The following KCNJ1 variants were observed in gnomAD, a reference collection of about 807,000 sequenced individuals.
KCNJ1 encodes potassium inwardly rectifying channel subfamily J member 1, also known as ATP-sensitive inward rectifier potassium channel 1.
KCNJ1 carries 24 observed loss-of-function variants against 21.9 expected under a neutral mutation model. The ratio of observed to expected loss-of-function variants is 1.10; its 90% confidence interval spans 0.79 to 1.54. KCNJ1 has a LOEUF of 1.54. Ranked by LOEUF, KCNJ1 falls within the 40% of genes most tolerant of loss-of-function variation. The probability of loss-of-function intolerance (pLI) is 0.00; values close to 1 mark genes in which losing one functional copy is unlikely to be tolerated. For missense variants in KCNJ1, 457 were observed against 455.4 expected (o/e 1.00, Z -0.03); for synonymous variants, 152 against 160.9 (o/e 0.94, Z 0.42).
intron 2 of KCNJ1, among the ~76,000 whole-genome samples, chr11:128,849,012 C>T (rs1255306681): frequency 6.6e-6 from 1 of 152,176 alleles, no homozygotes; most frequent in African/African-American, 2.4e-5. Context: ...TGAACAGCGC[C>T]CCCTGGAGCA....
chr11:128,842,973 C>T (rs751947316), intron 2 of KCNJ1, among the ~76,000 whole-genome samples: 1 of 152,182 alleles, frequency 6.6e-6, no homozygotes, highest in Non-Finnish European at 1.5e-5. Flanking sequence ...TTAATCTCTC[C>T]ATACAACAGT....
intron 1 of KCNJ1, among the ~76,000 whole-genome samples, chr11:128,860,736 C>G (rs1443446915): frequency 1.3e-4 from 20 of 152,194 alleles, no homozygotes; most frequent in Admixed American, 1.3e-3. Flanking sequence ...AAGGAAGCTG[C>G]TCAGAAAAGT....
chr11:128,841,885 T>A (rs1436331760), intron 2 of KCNJ1, among the ~76,000 whole-genome samples: 1 of 152,152 alleles, frequency 6.6e-6, no homozygotes, highest in Non-Finnish European at 1.5e-5. Flanking sequence ...CCTCCTCTCA[T>A]CCCACACTGC....
chr11:128,848,672 A>T (rs569739311), intron 2 of KCNJ1, among the ~76,000 whole-genome samples: 19 of 152,324 alleles, frequency 1.2e-4, no homozygotes, highest in African/African-American at 3.8e-4. Context: ...AGTGACAAGG[A>T]GCTGGAGCAC....
chr11:128,862,582 A>C (rs1367210341), intron 1 of KCNJ1, among the ~76,000 whole-genome samples: 1 of 152,210 alleles, frequency 6.6e-6, no homozygotes, highest in Non-Finnish European at 1.5e-5. Context: ...ATGCTCTGCC[A>C]GTTCGCTGAT....
rs1257956755 is a variant in KCNJ1, at chr11:128,840,018, A to C, written c.226T>G (p.Phe76Val). The C allele has an allele frequency of 3.1e-6, 5 of 1,613,924 alleles. No homozygotes were observed. In the African/African-American group the frequency reaches 6.7e-5, roughly 22 times the overall value. ...GCTACTGCATACCACAGGAGACCAA[A>C]GAAAAACCAACTCCCCAAGAAGGCT... The part of the protein sequence containing the change: ...ITAFLGSWFF[F>V]GLLWYAVAYI... Residue 76 changes from phenylalanine to valine, a missense_variant, in exon 3 of 3, where the codon TTT (phenylalanine) becomes GTT (valine). Coordinates refer to ENST00000392666, the MANE Select transcript of KCNJ1 (RefSeq NM_153766.3).
In KCNJ1 at chr11:128,838,228, A is replaced by G. The variant is rs1344290781; in HGVS notation, c.*897T>C. 1 of 152,608 alleles carries G rather than the reference A, an allele frequency of 6.6e-6. No homozygotes were observed. Among genetic ancestry groups the G allele is most frequent in the Non-Finnish European group, 1.5e-5 (1 of 68,038 alleles). 9.5% of individuals were successfully genotyped at this position (152,608 alleles called of 1,614,324 possible). On this transcript the variant is annotated 3_prime_UTR_variant, in exon 3 of 3. Transcript: ENST00000392666. ...AAGATGGGCTGTCAGGGAAAGAAAG[A>G]CATAGTAACATTCTGACTGTGGGGC...
Position 128,838,851 on chromosome 11 carries a change from T to C in KCNJ1, c.*274A>G, listed in dbSNP as rs1943213902. 1 of 476,050 alleles carries C rather than the reference T, an allele frequency of 2.1e-6. No individual in the cohort carries two copies. The highest frequency in any genetic ancestry group is 3.9e-5 in the East Asian group (1 of 25,866). 29.5% of individuals were successfully genotyped at this position (476,050 alleles called of 1,614,324 possible). Reference sequence around the variant, plus strand: ...ATTTTATCTGCTCCAATCCACCTTATATGAGCTCAAATAATCATATTTAAG... The same window carrying C: ...ATTTTATCTGCTCCAATCCACCTTACATGAGCTCAAATAATCATATTTAAG... On this transcript the variant is annotated 3_prime_UTR_variant, in exon 3 of 3. Transcript: ENST00000392666.
intron 1 of KCNJ1, chr11:128,866,421 A>G (rs1034890168): frequency 3.5e-5 from 9 of 256,882 alleles, no homozygotes; most frequent in African/African-American, 2.1e-4. Flanking sequence ...GAAAAATTCA[A>G]TCATTTTTCC....
At chr11:128,845,101 A>G (rs1393250079) in intron 2 of KCNJ1, among the ~76,000 whole-genome samples, 1 of 152,254 alleles carries the variant, frequency 6.6e-6, no homozygotes, top group African/African-American at 2.4e-5. Flanking sequence ...ACATTTCTTG[A>G]GGATTTTCCA....
chr11:128,839,331 G>C lies in KCNJ1; in HGVS notation c.913C>G (p.Arg305Gly), dbSNP rs760450195. The change falls in exon 3 of 3, where the codon CGT becomes GGT. Residue 305 changes from arginine to glycine, a missense_variant. Physicochemically the swap from Arg to Gly is moderately radical, Grantham distance 125. Transcript: ENST00000392666. ...YVPEEVLWGY[R>G]FAPIVSKTKE... ...GTCTTGGATACTATGGGAGCAAAACGGTAGCCCCAAAGCACCTCCTCTGGG... is the reference window on the plus strand; with the variant it reads ...GTCTTGGATACTATGGGAGCAAAACCGTAGCCCCAAAGCACCTCCTCTGGG... 1.9e-6 allele frequency: 3 copies of C among 1,614,100 alleles called. No individual in the cohort carries two copies. Among genetic ancestry groups the C allele is most frequent in the Non-Finnish European group, 2.5e-6 (3 of 1,180,004 alleles).
chr11:128,844,940 A>C (rs1431957361), intron 2 of KCNJ1, among the ~76,000 whole-genome samples: 1 of 152,220 alleles, frequency 6.6e-6, no homozygotes, highest in Admixed American at 6.5e-5. Flanking sequence ...TCTGAGAGTC[A>C]GGATTTCAGA....
At chr11:128,840,594 AC>A (rs1943267318) in intron 2 of KCNJ1, among the ~76,000 whole-genome samples, 1 of 152,160 alleles carries the variant, frequency 6.6e-6, no homozygotes, top group African/African-American at 2.4e-5. Context: ...ACCAATTATG[AC>A]CTGTATTTTT....
chr11:128,844,616 A>T (rs1183641857), intron 2 of KCNJ1, among the ~76,000 whole-genome samples: 1 of 152,204 alleles, frequency 6.6e-6, no homozygotes, highest in Non-Finnish European at 1.5e-5. Flanking sequence ...AGGGACCAAC[A>T]GTTTGTGGTC....
intron 1 of KCNJ1, among the ~76,000 whole-genome samples, chr11:128,856,245 A>T (rs1162710359): frequency 1.3e-5 from 2 of 152,248 alleles, no homozygotes; most frequent in Admixed American, 1.3e-4. Context: ...CCATGGAATG[A>T]TGAGATTAGG....
intron 1 of KCNJ1, among the ~76,000 whole-genome samples, chr11:128,866,326 A>G (rs1453195568): frequency 1.3e-5 from 2 of 152,208 alleles, no homozygotes; most frequent in African/African-American, 2.4e-5. Flanking sequence ...GCATCCAGTG[A>G]GTGGCTCTGC....
intron 2 of KCNJ1, among the ~76,000 whole-genome samples, chr11:128,841,990 C>A (rs1475146518): frequency 1.3e-5 from 2 of 152,144 alleles, no homozygotes; most frequent in Non-Finnish European, 2.9e-5. Context: ...TACACACATC[C>A]TTTACCCTGG....
Position 128,839,294 on chromosome 11 carries a change from TTCCC to T in KCNJ1, c.946_949del (p.Gly316AsnfsTer34). On this transcript the variant is annotated frameshift_variant, in exon 3 of 3. Coordinates refer to ENST00000392666, the MANE Select transcript of KCNJ1 (RefSeq NM_153766.3). LOFTEE classifies it high-confidence loss of function. ...AAAGTTATGGAAATCCACTCGGTATTTCCCTTCCTTTGTCTTGGATACTATGGGA... is the reference window on the plus strand; with the variant it reads ...AAAGTTATGGAAATCCACTCGGTATTTTCCTTTGTCTTGGATACTATGGGA... 1 of 1,614,182 alleles carries T rather than the reference TTCCC, an allele frequency of 6.2e-7. No individual in the cohort carries two copies. The highest frequency in any genetic ancestry group is 8.5e-7 in the Non-Finnish European group (1 of 1,180,034).
At chr11:128,841,211 A>C (rs1278907824) in intron 2 of KCNJ1, among the ~76,000 whole-genome samples, 3 of 151,984 alleles carry the variant, frequency 2.0e-5, no homozygotes, top group Non-Finnish European at 4.4e-5. Flanking sequence ...TTCCTTCCCT[A>C]CTCCAAAGCT....
Sources: gnomAD v4.1 joint callset for allele counts (sites outside exome capture counted in the v4.1 genomes callset) on GRCh38, gnomAD v4.1.1 for gene constraint, MANE v1.5 for transcripts, NCBI Gene and HGNC (gene_info 2026-07-23, HGNC 2026-07-21) for gene names.